Variants in CDH13 observed in about 807,000 individuals in gnomAD.
CDH13 encodes the protein cadherin-13.
A neutral mutation model predicts 63.8 loss-of-function variants in CDH13; 24 were observed. The ratio of observed to expected loss-of-function variants is 0.38; its 90% confidence interval spans 0.27 to 0.53. The LOEUF (loss-of-function observed/expected upper bound fraction) is 0.53, where lower values mean the gene tolerates loss of function less well. Ranked by LOEUF, CDH13 falls within the 20% of genes least tolerant of loss-of-function variation. CDH13 has a pLI of 0.85. For missense variants in CDH13, 1,049 were observed against 903.1 expected (o/e 1.16, Z -2.07); for synonymous variants, 503 against 355.3 (o/e 1.42, Z -4.67).
intron 1 of CDH13, among the ~76,000 whole-genome samples, chr16:82,786,147 G>A (rs1198415454): frequency 6.6e-6 from 1 of 152,216 alleles, no homozygotes; most frequent in Non-Finnish European, 1.5e-5. Context: ...ATGAGTCAGG[G>A]TGGAGTAGGT....
At chr16:83,614,634 A>T (rs1184883460) in intron 8 of CDH13, among the ~76,000 whole-genome samples, 1 of 152,186 alleles carries the variant, frequency 6.6e-6, no homozygotes, top group Non-Finnish European at 1.5e-5. Context: ...GGGGGGTTTT[A>T]TATTAAATCC....
At chr16:83,375,446 G>C (rs1016765766) in intron 6 of CDH13, among the ~76,000 whole-genome samples, 2 of 152,316 alleles carry the variant, frequency 1.3e-5, no homozygotes, top group Admixed American at 1.3e-4. Flanking sequence ...TACTCATTCT[G>C]CTGACATCTT....
chr16:83,283,243 C>A (rs1448490028), intron 5 of CDH13, among the ~76,000 whole-genome samples: 1 of 152,120 alleles, frequency 6.6e-6, no homozygotes, highest in Non-Finnish European at 1.5e-5. Flanking sequence ...CCAGGCCCTA[C>A]CCCAGACAAG....
At chr16:83,068,095 G>A (rs1567798882) in intron 3 of CDH13, among the ~76,000 whole-genome samples, 1 of 152,132 alleles carries the variant, frequency 6.6e-6, no homozygotes. Context: ...CAAAACAAGG[G>A]CCCCACCTGA....
chr16:83,290,926 G>C (rs2089451131), intron 5 of CDH13, among the ~76,000 whole-genome samples: 1 of 152,054 alleles, frequency 6.6e-6, no homozygotes, highest in South Asian at 2.1e-4. Flanking sequence ...CATTTCTCAA[G>C]ATCTGGAGTT....
chr16:82,803,932 T>G (rs1444539845), intron 1 of CDH13, among the ~76,000 whole-genome samples: 1 of 152,092 alleles, frequency 6.6e-6, no homozygotes, highest in East Asian at 1.9e-4. Flanking sequence ...AATGTGCACT[T>G]AAAAATGTGT....
rs188579959 is a variant in CDH13 at position 82,894,280 on chromosome 16, T to C, written c.157+35807T>C. Among the ~76,000 whole-genome samples the C allele has an allele frequency of 2.9e-3, 449 of 152,290 alleles. 2 individuals are homozygous for C. Among genetic ancestry groups the C allele is most frequent in the African/African-American group, 0.01 (422 of 41,556 alleles). On this transcript the variant is annotated intron_variant, in intron 2 of 13. Coordinates refer to ENST00000567109, the MANE Select transcript of CDH13 (RefSeq NM_001257.5). ...CCAGGGCAGGATTAAAGGATTGTTC[T>C]CCCATGTTGGAAGAAAACAGAGTTC...
chr16:83,323,063 G>A (rs1345747310), intron 5 of CDH13, among the ~76,000 whole-genome samples: 3 of 152,156 alleles, frequency 2.0e-5, no homozygotes, highest in South Asian at 4.2e-4. Context: ...GTGCAAATGA[G>A]CGAATGGAGG....
intron 8 of CDH13, among the ~76,000 whole-genome samples, chr16:83,664,960 C>G (rs910965935): frequency 2.6e-5 from 4 of 152,122 alleles, no homozygotes; most frequent in African/African-American, 9.7e-5. Flanking sequence ...AGTGGAGTCT[C>G]CAGCATGCAA....
At chr16:83,716,961 C>G in intron 10 of CDH13, 1 of 152,734 alleles carries the variant, frequency 6.5e-6, no homozygotes, top group South Asian at 2.1e-4. Context: ...GAAGGCCAGA[C>G]TCAGGCTGGA....
chr16:83,027,816 G>A (rs969413045), intron 2 of CDH13, among the ~76,000 whole-genome samples: 6 of 152,102 alleles, frequency 3.9e-5, no homozygotes, highest in Admixed American at 2.0e-4. Flanking sequence ...GGTAGATGCC[G>A]CAGGACTTTG....
intron 1 of CDH13, among the ~76,000 whole-genome samples, chr16:82,683,400 A>T (rs1035900355): frequency 3.9e-5 from 6 of 152,166 alleles, no homozygotes; most frequent in African/African-American, 1.4e-4. Context: ...TGGTGCTGCA[A>T]AGTGGCCATG....
chr16:83,633,868 C>T (rs1444520975), intron 8 of CDH13, among the ~76,000 whole-genome samples: 1 of 152,086 alleles, frequency 6.6e-6, no homozygotes, highest in East Asian at 1.9e-4. Context: ...GCCATGTGAT[C>T]CCAGAATGCA....
At chr16:82,896,098 C>T (rs984913839) in intron 2 of CDH13, among the ~76,000 whole-genome samples, 2 of 152,002 alleles carry the variant, frequency 1.3e-5, no homozygotes, top group African/African-American at 4.8e-5. Flanking sequence ...ATTTCACAAC[C>T]TGACATTCTC....
In CDH13 at chr16:82,644,497, T is replaced by C. The variant is rs1567584630; in HGVS notation, c.45+17360T>C. Among the ~76,000 whole-genome samples the C allele has an allele frequency of 6.6e-6, 1 of 152,162 alleles. No homozygotes were observed. The highest frequency in any genetic ancestry group is 1.5e-5 in the Non-Finnish European group (1 of 68,040). On this transcript the variant is annotated intron_variant, in intron 1 of 13. Transcript: ENST00000567109. The surrounding 1 kb of genome is among the most constrained non-coding windows in gnomAD (Gnocchi z 5.7). ...TGCTGAGTGACAAAGCCATTAGCCATGCACAGTGAAACAAGGAAAGCAGCC... is the reference window on the plus strand; with the variant it reads ...TGCTGAGTGACAAAGCCATTAGCCACGCACAGTGAAACAAGGAAAGCAGCC...
At chr16:83,372,108 A>G (rs1251842656) in intron 6 of CDH13, among the ~76,000 whole-genome samples, 1 of 152,162 alleles carries the variant, frequency 6.6e-6, no homozygotes, top group Non-Finnish European at 1.5e-5. Context: ...ATCATGGGCC[A>G]CCACTGTACT....
intron 3 of CDH13, among the ~76,000 whole-genome samples, chr16:83,032,750 G>C (rs573338238): frequency 6.6e-6 from 1 of 152,110 alleles, no homozygotes; most frequent in Non-Finnish European, 1.5e-5. Context: ...GCCACGTCTC[G>C]GTCACATTTC....
chr16:83,033,456 T>C (rs972618627), intron 3 of CDH13, among the ~76,000 whole-genome samples: 4 of 152,188 alleles, frequency 2.6e-5, no homozygotes, highest in Non-Finnish European at 5.9e-5. Context: ...AGTATATATA[T>C]GTGTGTATAT....
intron 5 of CDH13, among the ~76,000 whole-genome samples, chr16:83,323,689 T>C (rs2090292502): frequency 6.6e-6 from 1 of 152,224 alleles, no homozygotes. Flanking sequence ...CCTGTCTGAA[T>C]AAGCAGTTTT....
Sources: gnomAD v4.1 joint callset for allele counts (sites outside exome capture counted in the v4.1 genomes callset) on GRCh38, gnomAD v4.1.1 for gene constraint, Gnocchi (gnomAD v3.1) non-coding constraint, MANE v1.5 for transcripts, NCBI Gene and HGNC (gene_info 2026-07-23, HGNC 2026-07-21) for gene names.